Variants in FARP1 observed in about 807,000 individuals in gnomAD.
FARP1 encodes FERM, ARHGEF and pleckstrin domain-containing protein 1.
Under a neutral mutation model 128.8 loss-of-function variants are expected in FARP1, and 52 were observed. The observed-to-expected ratio is 0.40, with a 90% CI of 0.32 to 0.51. FARP1 has a LOEUF of 0.51. Among genes scored for constraint, FARP1 ranks in the 20% least tolerant of loss-of-function variants. FARP1 has a pLI of 0.45. For synonymous variants in FARP1, 580 were observed against 551.8 expected (o/e 1.05, Z -0.72); for missense variants, 1,333 against 1,367.9 (o/e 0.97, Z 0.40).
chr13:98,179,157 G>A (rs1246147897), intron 1 of FARP1, among the ~76,000 whole-genome samples: 1 of 152,242 alleles, frequency 6.6e-6, no homozygotes, highest in Non-Finnish European at 1.5e-5. Flanking sequence ...CATGTGGCTA[G>A]GGAGGTCTCA....
At chr13:98,216,175 A>G (rs186582014) in intron 2 of FARP1, among the ~76,000 whole-genome samples, 33 of 152,306 alleles carry the variant, frequency 2.2e-4, no homozygotes, top group Admixed American at 2.2e-3. Flanking sequence ...AGAAAGTCAC[A>G]TATCAGCATT....
rs767424844 is a variant in FARP1, at chr13:98,409,425, A to G, written c.1502A>G (p.Asn501Ser). The G allele has an allele frequency of 5.6e-6, 9 of 1,613,894 alleles. No homozygotes were observed. The highest frequency in any genetic ancestry group is 3.3e-5 in the Admixed American group (2 of 59,994). The part of the protein sequence containing the change: ...VAPANVTLSP[N>S]LSPDTKQASP... ...CCTGCCAACGTGACCTTGTCTCCCA[A>G]CCTGAGCCCCGACACCAAGCAGGCC... The change falls in exon 14 of 27, where the codon AAC becomes AGC. Residue 501 changes from asparagine to serine, a missense_variant. Coordinates refer to ENST00000319562, the MANE Select transcript of FARP1 (RefSeq NM_005766.4).
chr13:98,185,918 G>A (rs1322603151), intron 1 of FARP1, among the ~76,000 whole-genome samples: 2 of 151,866 alleles, frequency 1.3e-5, no homozygotes, highest in Admixed American at 6.6e-5. Flanking sequence ...GGCTGGTCTC[G>A]AACTCCTGAC....
rs1300886427 is a variant in FARP1, at chr13:98,452,854, T to C, written c.*4537T>C. 5 of 273,190 alleles carry C rather than the reference T, an allele frequency of 1.8e-5. No homozygotes were observed. Among genetic ancestry groups the C allele is most frequent in the Non-Finnish European group, 2.7e-5 (4 of 145,680 alleles). The allele number at this position is 273,190 out of a possible 1,614,324, so 16.9% of individuals were successfully genotyped here. On this transcript the variant is annotated 3_prime_UTR_variant, in exon 27 of 27. Coordinates refer to ENST00000319562, the MANE Select transcript of FARP1 (RefSeq NM_005766.4). ...AGTTGCCTTATCATAATCCCAAATA[T>C]ACATTTCAGGGTTTGTTTTTGTTTT...
chr13:98,322,691 G>A (rs1310290911), intron 2 of FARP1, among the ~76,000 whole-genome samples: 2 of 152,172 alleles, frequency 1.3e-5, no homozygotes, highest in South Asian at 2.1e-4. Context: ...GCTGTTCCCC[G>A]GGAATTATCC....
chr13:98,144,424 T>C (rs140138684), intron 1 of FARP1, among the ~76,000 whole-genome samples: 1 of 152,272 alleles, frequency 6.6e-6, no homozygotes, highest in East Asian at 1.9e-4. Flanking sequence ...TGGAACAGTT[T>C]AGCAGCCTCG....
intron 2 of FARP1, among the ~76,000 whole-genome samples, chr13:98,277,144 ACACACC>A (rs1284486424): frequency 8.8e-4 from 124 of 140,404 alleles, no homozygotes; most frequent in Middle Eastern, 3.6e-3. Context: ...ACACACACAC[ACACACC>A]CCATATGTAT....
At chr13:98,182,853 TC>T (rs1357945516) in intron 1 of FARP1, among the ~76,000 whole-genome samples, 2 of 152,220 alleles carry the variant, frequency 1.3e-5, no homozygotes, top group African/African-American at 4.8e-5. Context: ...GGTTAATGTT[TC>T]TTTCTTTTGC....
At chr13:98,218,210 G>C (rs768905310) in intron 2 of FARP1, among the ~76,000 whole-genome samples, 1 of 133,894 alleles carries the variant, frequency 7.5e-6, no homozygotes, top group African/African-American at 2.9e-5. Flanking sequence ...TCCTCACCCC[G>C]AACACATTGA....
Position 98,326,348 on chromosome 13 carries a change from C to T in FARP1, c.172-17414C>T, listed in dbSNP as rs139892612. On this transcript the variant is annotated intron_variant, in intron 2 of 26. Transcript: ENST00000319562. ...CCTACATAAAATTTACCACCTTCAT[C>T]GTTTTTAAGCATACAGTTCAGTAGC... Among the ~76,000 whole-genome samples, 275 of 152,346 alleles carry T rather than the reference C, an allele frequency of 1.8e-3. 1 individual carries two copies. The highest frequency in any genetic ancestry group is 6.3e-3 in the African/African-American group (260 of 41,574).
At chr13:98,210,806 C>G (rs1172199674) in intron 1 of FARP1, among the ~76,000 whole-genome samples, 2 of 152,232 alleles carry the variant, frequency 1.3e-5, no homozygotes, top group East Asian at 3.9e-4. Flanking sequence ...GCCTCAGCCT[C>G]CCAAAGTACT....
chr13:98,435,025 T>G (rs543415005), intron 18 of FARP1: 29 of 152,382 alleles, frequency 1.9e-4, no homozygotes, highest in African/African-American at 7.0e-4. Context: ...AAATTTGAAT[T>G]CTACAGCAAT....
intron 2 of FARP1, among the ~76,000 whole-genome samples, chr13:98,280,504 G>C (rs774045098): frequency 6.6e-6 from 1 of 151,884 alleles, no homozygotes; most frequent in Non-Finnish European, 1.5e-5. Context: ...CTCTCTGTCT[G>C]CTCCTGTCTG....
chr13:98,289,109 C>T (rs1885332599), intron 2 of FARP1, among the ~76,000 whole-genome samples: 2 of 152,086 alleles, frequency 1.3e-5, no homozygotes, highest in African/African-American at 4.8e-5. Flanking sequence ...ATCCCACAGA[C>T]CATCAAAATG....
rs959684706 is a variant in FARP1, at chr13:98,143,193, G to T, written c.-323G>T. 6.8e-6 allele frequency: 1 copy of T among 148,022 alleles called. No individual in the cohort carries two copies. The highest frequency in any genetic ancestry group is 2.4e-5 in the African/African-American group (1 of 40,914). 9.2% of individuals were successfully genotyped at this position (148,022 alleles called of 1,614,324 possible). On this transcript the variant is annotated 5_prime_UTR_variant, in exon 1 of 27. Coordinates refer to ENST00000319562, the MANE Select transcript of FARP1 (RefSeq NM_005766.4). ...CGGGGCGGGGACGCGGCCGCTGCCC[G>T]CTTTGCGCCGCTCCTCCCTGCGCGA...
intron 16 of FARP1, among the ~76,000 whole-genome samples, chr13:98,414,362 GAC>G (rs3049534): frequency 0.22 from 33,071 of 151,990 alleles, 3,892 homozygotes; most frequent in Middle Eastern, 0.28. Context: ...CCAAATACAC[GAC>G]ACTGGTCAGG....
At chr13:98,191,161 C>T (rs780326996) in intron 1 of FARP1, among the ~76,000 whole-genome samples, 1 of 152,174 alleles carries the variant, frequency 6.6e-6, no homozygotes, top group Non-Finnish European at 1.5e-5. Context: ...CTGCTAGGTT[C>T]CTCATAATGG....
intron 11 of FARP1, among the ~76,000 whole-genome samples, chr13:98,392,224 C>CCT (rs1890331358): frequency 6.7e-6 from 1 of 150,346 alleles, no homozygotes; most frequent in Non-Finnish European, 1.5e-5. Context: ...ATGGCACATG[C>CCT]CTGTAATCCC....
rs142997832 is a variant in FARP1, at chr13:98,144,488, T to G, written c.-24+996T>G. 3.7e-3 allele frequency among the ~76,000 whole-genome samples: 566 copies of G among 152,194 alleles called. 3 individuals are homozygous for G. The highest frequency in any genetic ancestry group is 0.013 in the African/African-American group (529 of 41,542). ...GTACCGGTGGCCTCTGGCCGTTTCATTATATTGTTGTTAAGGCTCTTCTCC... is the reference window on the plus strand; with the variant it reads ...GTACCGGTGGCCTCTGGCCGTTTCAGTATATTGTTGTTAAGGCTCTTCTCC... On this transcript the variant is annotated intron_variant, in intron 1 of 26. Coordinates refer to ENST00000319562, the MANE Select transcript of FARP1 (RefSeq NM_005766.4).
Sources: gnomAD v4.1 joint callset for allele counts (sites outside exome capture counted in the v4.1 genomes callset) on GRCh38, gnomAD v4.1.1 for gene constraint, MANE v1.5 for transcripts, NCBI Gene and HGNC (gene_info 2026-07-23, HGNC 2026-07-21) for gene names.